The following MSRA variants were observed in gnomAD, a reference collection of about 807,000 sequenced individuals.
MSRA encodes methionine sulfoxide reductase A, also known as mitochondrial peptide methionine sulfoxide reductase.
A neutral mutation model predicts 31.3 loss-of-function variants in MSRA; 54 were observed. The observed-to-expected ratio is 1.73, with a 90% CI of 1.39 to 2.17. The LOEUF (loss-of-function observed/expected upper bound fraction) is 2.17, where lower values mean the gene tolerates loss of function less well. Ranked by LOEUF, MSRA falls within the 30% of genes most tolerant of loss-of-function variation. The pLI is 0.00. For missense variants in MSRA, 507 were observed against 300.9 expected, an observed-to-expected ratio of 1.69 and a Z score of -5.07; for synonymous variants, 169 against 116.5, an observed-to-expected ratio of 1.45 and a Z score of -2.90.
chr8:10,169,024 CT>C (rs1283238631), intron 1 of MSRA, among the ~76,000 whole-genome samples: 3 of 152,262 alleles, frequency 2.0e-5, no homozygotes, highest in African/African-American at 7.2e-5. Flanking sequence ...GTTATAAGTA[CT>C]TTTGCATTCG....
In MSRA at chr8:10,412,600, A is replaced by C. The variant is rs537886490; in HGVS notation, c.544-15548A>C. ...TAGAGAACCCTCAAAATTCAACAAT[A>C]CAAGCAAATCACCTGATTAAAAAAT... On this transcript the variant is annotated intron_variant, in intron 5 of 5. Transcript: ENST00000317173. Among the ~76,000 whole-genome samples the C allele has an allele frequency of 2.0e-5, 3 of 152,358 alleles. No individual in the cohort carries two copies. In the South Asian group the frequency reaches 6.2e-4, roughly 32 times the overall value.
chr8:10,075,286 C>T (rs980145708), intron 1 of MSRA, among the ~76,000 whole-genome samples: 1 of 152,070 alleles, frequency 6.6e-6, no homozygotes, highest in African/African-American at 2.4e-5. Context: ...TCTGTAGTAT[C>T]GTATTTGGAA....
At chr8:10,213,688 G>T (rs1033234011) in intron 2 of MSRA, among the ~76,000 whole-genome samples, 1 of 151,488 alleles carries the variant, frequency 6.6e-6, no homozygotes, top group Non-Finnish European at 1.5e-5. Context: ...TGCCTGCCTC[G>T]GCCTCCCCAG....
chr8:10,219,581 G>A (rs535227122), intron 2 of MSRA, among the ~76,000 whole-genome samples: 12 of 152,096 alleles, frequency 7.9e-5, no homozygotes, highest in African/African-American at 2.9e-4. Flanking sequence ...AGGCTGAGGT[G>A]GGTGGATCAC....
intron 1 of MSRA, among the ~76,000 whole-genome samples, chr8:10,171,901 A>G (rs1805621535): frequency 6.6e-6 from 1 of 152,254 alleles, no homozygotes; most frequent in Non-Finnish European, 1.5e-5. Context: ...TAAGCTGTTT[A>G]TGTGCCTCTT....
chr8:10,090,083 G>T (rs1480710267), intron 1 of MSRA, among the ~76,000 whole-genome samples: 5 of 152,330 alleles, frequency 3.3e-5, no homozygotes, highest in East Asian at 1.9e-4. Flanking sequence ...AGGGCTGTGT[G>T]TGCCTGCTGG....
chr8:10,142,256 C>T (rs1307466716), intron 1 of MSRA, among the ~76,000 whole-genome samples: 3 of 152,018 alleles, frequency 2.0e-5, no homozygotes, highest in Admixed American at 6.5e-5. Flanking sequence ...CCGTGCCTGG[C>T]CCTTATGTAC....
chr8:10,134,509 C>A (rs1479870444), intron 1 of MSRA, among the ~76,000 whole-genome samples: 1 of 152,198 alleles, frequency 6.6e-6, no homozygotes, highest in Non-Finnish European at 1.5e-5. Context: ...ATGCCTGTCT[C>A]ACATACCAAG....
At chr8:10,076,650 C>T (rs1295627804) in intron 1 of MSRA, among the ~76,000 whole-genome samples, 1 of 152,096 alleles carries the variant, frequency 6.6e-6, no homozygotes, top group Non-Finnish European at 1.5e-5. Flanking sequence ...CAGTGAGCTC[C>T]CTTTTGGCAG....
intron 3 of MSRA, among the ~76,000 whole-genome samples, chr8:10,248,281 G>C (rs1488068422): frequency 2.6e-5 from 4 of 152,206 alleles, no homozygotes; most frequent in Non-Finnish European, 5.9e-5. Flanking sequence ...TAGAGACCTG[G>C]ATTGTGTGCA....
At chr8:10,282,767 C>T (rs778891565) in intron 3 of MSRA, among the ~76,000 whole-genome samples, 16 of 152,160 alleles carry the variant, frequency 1.1e-4, no homozygotes, top group African/African-American at 3.6e-4. Context: ...ATACCTTCCA[C>T]TCTTATCAGT....
intron 2 of MSRA, among the ~76,000 whole-genome samples, chr8:10,234,201 TA>T (rs920293677): frequency 3.3e-5 from 5 of 152,130 alleles, no homozygotes; most frequent in African/African-American, 1.2e-4. Context: ...ACCTGAAGCA[TA>T]AGAAACAGTA....
chr8:10,175,269 A>G (rs1239718238), intron 1 of MSRA, among the ~76,000 whole-genome samples: 1 of 152,120 alleles, frequency 6.6e-6, no homozygotes, highest in African/African-American at 2.4e-5. Flanking sequence ...TTCCTCTAGA[A>G]TCGATAATCT....
chr8:10,388,987 G>C (rs1277205696), intron 5 of MSRA, among the ~76,000 whole-genome samples: 2 of 152,172 alleles, frequency 1.3e-5, no homozygotes, highest in East Asian at 1.9e-4. Flanking sequence ...GAAGTATGGA[G>C]AATCGCCTGT....
intron 1 of MSRA, among the ~76,000 whole-genome samples, chr8:10,097,812 C>T (rs1367218581): frequency 2.0e-5 from 3 of 151,994 alleles, no homozygotes; most frequent in South Asian, 2.1e-4. Flanking sequence ...TCAGAATATA[C>T]CTTAAGAAAT....
chr8:10,089,719 C>T (rs1798764802), intron 1 of MSRA, among the ~76,000 whole-genome samples: 1 of 152,184 alleles, frequency 6.6e-6, no homozygotes, highest in Admixed American at 6.5e-5. Flanking sequence ...GACCTTTGTG[C>T]TGCATCAAAA....
At chr8:10,096,633 G>T (rs1310663960) in intron 1 of MSRA, among the ~76,000 whole-genome samples, 1 of 152,008 alleles carries the variant, frequency 6.6e-6, no homozygotes, top group African/African-American at 2.4e-5. Flanking sequence ...TTAAGTAGAA[G>T]GAAAATTTAG....
chr8:10,115,333 C>T (rs1800599200), intron 1 of MSRA, among the ~76,000 whole-genome samples: 2 of 152,298 alleles, frequency 1.3e-5, no homozygotes, highest in African/African-American at 2.4e-5. Context: ...AGCGAAGAGG[C>T]CATTGAAGAC....
chr8:10,102,661 T>A (rs1799613423), intron 1 of MSRA, among the ~76,000 whole-genome samples: 1 of 152,342 alleles, frequency 6.6e-6, no homozygotes, highest in Non-Finnish European at 1.5e-5. Flanking sequence ...ATAAATGATT[T>A]TGATTATATC....
Sources: allele counts gnomAD v4.1 joint callset (sites outside exome capture counted in the v4.1 genomes callset), GRCh38; gene constraint gnomAD v4.1.1; transcripts MANE v1.5; gene names NCBI Gene and HGNC (gene_info 2026-07-23, HGNC 2026-07-21).